BCAS3: variants seen among roughly 807,000 people sequenced by gnomAD.
BCAS3 encodes BCAS3 microtubule associated cell migration factor, also known as BCAS4/BCAS3 fusion.
A neutral mutation model predicts 116.1 loss-of-function variants in BCAS3; 53 were observed. The observed-to-expected ratio is 0.46, with a 90% CI of 0.37 to 0.57. The LOEUF is 0.57. BCAS3 is among the 20% of genes least tolerant of loss of function. BCAS3 has a pLI of 0.00. For synonymous variants in BCAS3, 391 were observed against 408.2 expected (o/e 0.96, Z 0.51); for missense variants, 917 against 1,165.4 (o/e 0.79, Z 3.10).
At chr17:61,386,231 G>C (rs1603219295) in intron 23 of BCAS3, among the ~76,000 whole-genome samples, 1 of 152,192 alleles carries the variant, frequency 6.6e-6, no homozygotes, top group Non-Finnish European at 1.5e-5. Flanking sequence ...AGGTGGCCAG[G>C]GGGTGTGCTC....
rs555599337 is a variant in BCAS3, at chr17:61,316,885, G to A, written c.2426-51442G>A. Among the ~76,000 whole-genome samples, 155 of 152,220 alleles carry A rather than the reference G, an allele frequency of 1.0e-3. No individual in the cohort carries two copies. Among genetic ancestry groups the A allele is most frequent in the African/African-American group, 3.5e-3 (147 of 41,544 alleles). ...CGGTTTCCCCACTAAGGAATTCCTC[G>A]TGTATTTGATCGATTTGTGCAAGAG... On this transcript the variant is annotated intron_variant, in intron 22 of 23. Transcript: ENST00000407086. This position sits in a 1 kb window ranked among gnomAD's most constrained non-coding sequence, Gnocchi z 5.8.
intron 15 of BCAS3, among the ~76,000 whole-genome samples, chr17:61,010,211 T>C (rs1308042784): frequency 3.3e-5 from 5 of 152,008 alleles, no homozygotes; most frequent in African/African-American, 1.2e-4. Context: ...TGTTCACTTT[T>C]ATCCTCAACT....
intron 2 of BCAS3, among the ~76,000 whole-genome samples, chr17:60,681,287 G>T (rs904396528): frequency 2.6e-5 from 4 of 151,896 alleles, no homozygotes; most frequent in African/African-American, 9.7e-5. Context: ...ATCACCTGAG[G>T]TTGGGAGTTT....
At chr17:61,193,587 G>A (rs777319909) in intron 22 of BCAS3, among the ~76,000 whole-genome samples, 7 of 150,942 alleles carry the variant, frequency 4.6e-5, no homozygotes, top group South Asian at 2.1e-4. Flanking sequence ...AAGAAACTCC[G>A]TCTCTACTAA....
chr17:60,766,163 A>C (rs1244368944), intron 6 of BCAS3, among the ~76,000 whole-genome samples: 1 of 152,056 alleles, frequency 6.6e-6, no homozygotes, highest in Non-Finnish European at 1.5e-5. Flanking sequence ...GTTTATTATT[A>C]CCGACTTTCT....
chr17:60,918,842 G>A (rs2058919379), intron 12 of BCAS3, among the ~76,000 whole-genome samples: 1 of 151,834 alleles, frequency 6.6e-6, no homozygotes, highest in South Asian at 2.1e-4. Context: ...ACAGGCACCC[G>A]CCACAATGCC....
rs941518424 is a variant in BCAS3, at chr17:60,810,243, C to T, written c.476+2167C>T. ...CTGTGCAGGTGCCCAGCTATGGCAC[C>T]CAGCCAGTCAGCAGTGTGGCCAGTG... On this transcript the variant is annotated intron_variant, in intron 7 of 23. Coordinates refer to ENST00000407086, the MANE Select transcript of BCAS3 (RefSeq NM_017679.5). 1.2e-4 allele frequency: 53 copies of T among 435,506 alleles called. 1 individual carries two copies. Among genetic ancestry groups the T allele is most frequent in the South Asian group, 1.0e-3 (53 of 52,092 alleles). 27.0% of individuals were successfully genotyped at this position (435,506 alleles called of 1,614,324 possible). A position where few individuals can be genotyped will look rare whatever the true frequency, so the allele number is the denominator to read the frequency against.
rs1051473451 is a variant in BCAS3, at chr17:61,196,004, A to T, written c.2425+111440A>T. ...TTTTATTTATGGACATTGATGTCAG[A>T]AGCATATGTAGGTAGTTTTAAAACT... On this transcript the variant is annotated intron_variant, in intron 22 of 23. Coordinates refer to ENST00000407086, the MANE Select transcript of BCAS3 (RefSeq NM_017679.5). The surrounding 1 kb of genome is among the most constrained non-coding windows in gnomAD (Gnocchi z 4.7). Among the ~76,000 whole-genome samples, 1 of 152,226 alleles carries T rather than the reference A, an allele frequency of 6.6e-6. No individual in the cohort carries two copies. The highest frequency in any genetic ancestry group is 1.5e-5 in the Non-Finnish European group (1 of 68,036).
At chr17:61,314,295 C>G (rs114135390) in intron 22 of BCAS3, among the ~76,000 whole-genome samples, 1 of 152,216 alleles carries the variant, frequency 6.6e-6, no homozygotes, top group Admixed American at 6.5e-5. Flanking sequence ...AACCTAAAAG[C>G]CCTCGGTCCT....
Position 61,141,256 on chromosome 17 carries a change from A to G in BCAS3, c.2425+56692A>G, listed in dbSNP as rs567365287. Among the ~76,000 whole-genome samples, 6 of 152,292 alleles carry G rather than the reference A, an allele frequency of 3.9e-5. No individual in the cohort carries two copies. The highest frequency in any genetic ancestry group is 1.4e-4 in the African/African-American group (6 of 41,550). On this transcript the variant is annotated intron_variant, in intron 22 of 23. Coordinates refer to ENST00000407086, the MANE Select transcript of BCAS3 (RefSeq NM_017679.5). This position sits in a 1 kb window ranked among gnomAD's most constrained non-coding sequence, Gnocchi z 4.3. Reference sequence around the variant, plus strand: ...ATTTGGTTGCTTAAATATTGAAACAATTATAAAGAAGTTAAATTAGGCTGG... The same window carrying G: ...ATTTGGTTGCTTAAATATTGAAACAGTTATAAAGAAGTTAAATTAGGCTGG...
chr17:61,280,777 G>A (rs989674885), intron 22 of BCAS3, among the ~76,000 whole-genome samples: 1 of 152,118 alleles, frequency 6.6e-6, no homozygotes, highest in African/African-American at 2.4e-5. Context: ...AGTGGGCAGC[G>A]CCGGAGCTAA....
chr17:61,078,701 C>T (rs933634472), intron 21 of BCAS3, among the ~76,000 whole-genome samples, 172 bp downstream of exon 21: 2 of 152,194 alleles, frequency 1.3e-5, no homozygotes, highest in Admixed American at 6.5e-5. Flanking sequence ...TATAGGGTCT[C>T]GTGGGATCAC....
rs542063089 is a variant in BCAS3, at chr17:60,763,046, G to C, written c.403+15767G>C. Among the ~76,000 whole-genome samples, 13 of 152,266 alleles carry C rather than the reference G, an allele frequency of 8.5e-5. No individual in the cohort carries two copies. In the South Asian group the frequency reaches 2.7e-3, roughly 32 times the overall value. On this transcript the variant is annotated intron_variant, in intron 6 of 23. Transcript: ENST00000407086. Reference sequence around the variant, plus strand: ...CTTGTGATTTTTGCACATTGATTTTGTATCCTGAGACTTTGCTGAAGTTGC... The same window carrying C: ...CTTGTGATTTTTGCACATTGATTTTCTATCCTGAGACTTTGCTGAAGTTGC...
At chr17:60,953,260 A>G (rs1194341532) in intron 14 of BCAS3, among the ~76,000 whole-genome samples, 1 of 152,096 alleles carries the variant, frequency 6.6e-6, no homozygotes, top group East Asian at 1.9e-4. Context: ...TTTCTCCACA[A>G]CCTAAGGAGC....
chr17:61,369,226 T>C (rs537396439), intron 23 of BCAS3, among the ~76,000 whole-genome samples: 2 of 152,354 alleles, frequency 1.3e-5, no homozygotes, highest in Admixed American at 6.5e-5. Flanking sequence ...GTGACTGCCC[T>C]AGCCCTGCTT....
intron 12 of BCAS3, among the ~76,000 whole-genome samples, chr17:60,918,298 A>T (rs886553425): frequency 6.6e-6 from 1 of 152,278 alleles, no homozygotes; most frequent in African/African-American, 2.4e-5. Context: ...CCATTTGGTT[A>T]TCTTTAAAAA....
At chr17:61,090,510 A>C (rs1481767432) in intron 22 of BCAS3, among the ~76,000 whole-genome samples, 1 of 152,210 alleles carries the variant, frequency 6.6e-6, no homozygotes, top group Non-Finnish European at 1.5e-5. Context: ...ATTAATTCTA[A>C]TCTTTCGACT....
rs183299514 is a variant in BCAS3, at chr17:60,782,990, T to C, written c.404-25014T>C. On this transcript the variant is annotated intron_variant, in intron 6 of 23. Transcript: ENST00000407086. ...ATTTACATATTTGTGTACATAAATA[T>C]AGGTCTTTCTAGGGACTGGAAGGGA... Among the ~76,000 whole-genome samples the C allele has an allele frequency of 4.5e-4, 68 of 152,260 alleles. 1 individual carries two copies. The highest frequency in any genetic ancestry group is 1.6e-3 in the African/African-American group (67 of 41,552).
At chr17:61,201,560 A>G (rs891058218) in intron 22 of BCAS3, among the ~76,000 whole-genome samples, 3 of 152,152 alleles carry the variant, frequency 2.0e-5, no homozygotes, top group African/African-American at 4.8e-5. Flanking sequence ...GGCTTAGACT[A>G]TAACAAATGT....
Sources: allele counts gnomAD v4.1 joint callset (sites outside exome capture counted in the v4.1 genomes callset), GRCh38; gene constraint gnomAD v4.1.1; non-coding constraint Gnocchi (gnomAD v3.1); transcripts MANE v1.5; gene names NCBI Gene and HGNC (gene_info 2026-07-23, HGNC 2026-07-21).